Variants in CPS1 observed in about 807,000 individuals in gnomAD.
The protein encoded by CPS1 is carbamoyl-phosphate synthase 1.
Under a neutral mutation model 174.6 loss-of-function variants are expected in CPS1, and 109 were observed. The observed-to-expected ratio is 0.62, with a 90% CI of 0.53 to 0.73. The LOEUF is 0.73. CPS1 is among the 30% of genes least tolerant of loss of function. The probability of loss-of-function intolerance (pLI) is 0.00; values close to 1 mark genes in which losing one functional copy is unlikely to be tolerated. For missense variants in CPS1, 1,689 were observed against 1,821.9 expected, an observed-to-expected ratio of 0.93 and a Z score of 1.33; for synonymous variants, 637 against 632.0, an observed-to-expected ratio of 1.01 and a Z score of -0.12.
intron 9 of CPS1, 58 bp downstream of exon 9, chr2:210,590,964 A>G: frequency 1.5e-6 from 2 of 1,356,652 alleles, no homozygotes; most frequent in Admixed American, 1.7e-5. Flanking sequence ...AACTAAATAC[A>G]AAGAACTCAG....
chr2:210,533,924 C>T (rs992210634), intron 1 of CPS1, among the ~76,000 whole-genome samples: 3 of 152,134 alleles, frequency 2.0e-5, no homozygotes, highest in African/African-American at 7.2e-5. Context: ...CAAAGGAAAG[C>T]CACTGGGAAA....
chr2:210,574,275 T>G (rs1455910755), intron 2 of CPS1, among the ~76,000 whole-genome samples: 10 of 151,772 alleles, frequency 6.6e-5, no homozygotes, highest in Non-Finnish European at 1.3e-4. Flanking sequence ...ATTGAAGGGG[T>G]TTCCAATACA....
Position 210,642,585 on chromosome 2 carries a change from A to G in CPS1, c.3061A>G (p.Ser1021Gly), listed in dbSNP as rs767523490. The G allele has an allele frequency of 6.2e-7, 1 of 1,614,130 alleles. No individual in the cohort carries two copies. ...GGTGAATTGCAATCCTGAGACTGTG[A>G]GCACAGACTTTGATGAGTGTGACAA... ...VVVNCNPETV[S>G]TDFDECDKLY... Residue 1021 changes from serine (S) to glycine (G), a missense_variant, in exon 25 of 38, where the codon AGC becomes GGC. Ser to Gly is a moderately conservative substitution (Grantham distance 56). Coordinates refer to ENST00000233072, the MANE Select transcript of CPS1 (RefSeq NM_001875.5).
At chr2:210,657,651 T>G (rs913414187) in intron 30 of CPS1, 3 of 152,152 alleles carry the variant, frequency 2.0e-5, no homozygotes, top group African/African-American at 7.2e-5. Flanking sequence ...CCCATTAGTC[T>G]TTAGGTATAT....
chr2:210,624,665 T>C (rs551785180), intron 21 of CPS1, among the ~76,000 whole-genome samples: 1 of 152,236 alleles, frequency 6.6e-6, no homozygotes, highest in African/African-American at 2.4e-5. Context: ...TATAAAATTT[T>C]ACATCAAATA....
chr2:210,491,437 C>T (rs1694874633), intron 1 of CPS1, among the ~76,000 whole-genome samples: 1 of 146,856 alleles, frequency 6.8e-6, no homozygotes, highest in Non-Finnish European at 1.5e-5. Context: ...TCTCAGCCTC[C>T]CAAGTAGCTG....
At chr2:210,480,113 CA>C (rs1694519181) in intron 1 of CPS1, among the ~76,000 whole-genome samples, 1 of 152,130 alleles carries the variant, frequency 6.6e-6, no homozygotes. Context: ...TGTGGCCATT[CA>C]GGATCACAGA....
At chr2:210,672,970 G>A (rs921957875) in intron 34 of CPS1, 4 of 152,168 alleles carry the variant, frequency 2.6e-5, no homozygotes, top group South Asian at 2.1e-4. Context: ...TACTCTGCAA[G>A]TAAATATTAG....
intron 22 of CPS1, among the ~76,000 whole-genome samples, chr2:210,638,873 C>T (rs1171971323): frequency 1.3e-5 from 2 of 152,068 alleles, no homozygotes; most frequent in East Asian, 1.9e-4. Context: ...TCCTAGTAAC[C>T]AGTTGACTAT....
intron 20 of CPS1, among the ~76,000 whole-genome samples, chr2:210,615,177 TA>T (rs1699265500): frequency 6.6e-6 from 1 of 151,946 alleles, no homozygotes; most frequent in African/African-American, 2.4e-5. Context: ...TTCAGTAACT[TA>T]AGGTTCTCTC....
intron 1 of CPS1, among the ~76,000 whole-genome samples, chr2:210,568,828 TGA>T (rs1156968916): frequency 6.6e-6 from 1 of 152,046 alleles, no homozygotes; most frequent in East Asian, 1.9e-4. Context: ...ATAAAACAAG[TGA>T]ATTAAGAATT....
intron 6 of CPS1, among the ~76,000 whole-genome samples, chr2:210,587,072 A>AT (rs71044000): frequency 2.4e-4 from 37 of 151,334 alleles, no homozygotes; most frequent in Non-Finnish European, 4.6e-4. Flanking sequence ...GGATTAGGGT[A>AT]TTTTTTTTTC....
intron 6 of CPS1, among the ~76,000 whole-genome samples, chr2:210,585,616 G>A (rs1698081212): frequency 6.6e-6 from 1 of 152,064 alleles, no homozygotes; most frequent in South Asian, 2.1e-4. Context: ...TCTAGTGTCT[G>A]TCTCTCAGAA....
At chr2:210,502,179 C>T (rs114158191) in intron 1 of CPS1, among the ~76,000 whole-genome samples, 1,646 of 152,012 alleles carry the variant, frequency 0.011, 20 homozygotes, top group African/African-American at 0.035. Flanking sequence ...ACCCTTGACA[C>T]GTGGAGATTA....
intron 14 of CPS1, 58 bp from the exon 15 acceptor site, chr2:210,600,497 T>C: frequency 6.4e-7 from 1 of 1,565,406 alleles, no homozygotes; most frequent in Non-Finnish European, 8.8e-7. Flanking sequence ...CAGTTGTCTA[T>C]TAAAAAAGGC....
chr2:210,588,098 T>A lies in CPS1; in HGVS notation c.662T>A (p.Val221Glu). Residue 221 changes from valine to glutamate, a missense_variant, in exon 7 of 38, where the codon GTA becomes GAA. Physicochemically the swap from Val to Glu is moderately radical, Grantham distance 121. Transcript: ENST00000233072. ...VYGKGNPTKV[V>E]AVDCGIKNNV... is the part of the protein sequence containing the mutation. ...GGCAAAGGAAACCCCACAAAAGTGGTAGCTGTAGACTGTGGGATTAAAAAC... is the reference window on the plus strand; with the variant it reads ...GGCAAAGGAAACCCCACAAAAGTGGAAGCTGTAGACTGTGGGATTAAAAAC... 1 of 1,613,040 alleles carries A rather than the reference T, an allele frequency of 6.2e-7. No homozygotes were observed. Among genetic ancestry groups the A allele is most frequent in the South Asian group, 1.1e-5 (1 of 91,068 alleles).
chr2:210,510,927 TTGG>T lies in CPS1; in HGVS notation c.3+33165_3+33167del, dbSNP rs1695452265. ...GAGAAATAGGAACAATTTTACACTGTTGGTGGGACTGTAAACTAGTTCAACAAT... is the reference window on the plus strand; with the variant it reads ...GAGAAATAGGAACAATTTTACACTGTTGGGACTGTAAACTAGTTCAACAAT... On this transcript the variant is annotated intron_variant, in intron 1 of 38. Transcript: ENST00000430249. 3.3e-5 allele frequency among the ~76,000 whole-genome samples: 5 copies of T among 152,222 alleles called. No individual in the cohort carries two copies. The South Asian group carries it at 1.0e-3, about 32-fold the overall frequency.
At position 210,653,353 on chromosome 2, in the gene CPS1, A is replaced by G. The variant is rs114987637; in HGVS notation, c.3481-672A>G. 5.3e-3 allele frequency among the ~76,000 whole-genome samples: 804 copies of G among 152,298 alleles called. 6 individuals carry two copies. Among genetic ancestry groups the G allele is most frequent in the African/African-American group, 0.017 (688 of 41,554 alleles). On this transcript the variant is annotated intron_variant, in intron 28 of 37. Transcript: ENST00000233072. ...TTGTGGAGGGCATCCCGACCCTGAC[A>G]TGGAGGAAATGAGTGTGGGAAGCAC...
chr2:210,580,605 T>C (rs979250874), intron 5 of CPS1, among the ~76,000 whole-genome samples: 1 of 152,116 alleles, frequency 6.6e-6, no homozygotes, highest in African/African-American at 2.4e-5. Flanking sequence ...GTCATGCCTG[T>C]AATCCCAGCA....
Sources: allele counts gnomAD v4.1 joint callset (sites outside exome capture counted in the v4.1 genomes callset), GRCh38; gene constraint gnomAD v4.1.1; transcripts MANE v1.5; gene names NCBI Gene and HGNC (gene_info 2026-07-23, HGNC 2026-07-21).